Variants in TIAM1 observed in about 807,000 individuals in gnomAD.
The protein encoded by TIAM1 is TIAM Rac1 associated GEF 1.
Under a neutral mutation model 163.5 loss-of-function variants are expected in TIAM1, and 65 were observed. The ratio of observed to expected loss-of-function variants is 0.40; its 90% confidence interval spans 0.33 to 0.49. TIAM1 has a LOEUF of 0.49. TIAM1 is among the 20% of genes least tolerant of loss of function. The pLI is 0.77. For synonymous variants in TIAM1, 833 were observed against 810.1 expected (o/e 1.03, Z -0.48); for missense variants, 1,789 against 2,044.7 (o/e 0.87, Z 2.41).
In TIAM1 at chr21:31,525,903, G is replaced by A. The variant is rs367979520; in HGVS notation, c.-422+33024C>T. On this transcript the variant is annotated intron_variant, in intron 1 of 28. Transcript: ENST00000286827. ...ACAAAAATTAGCTGGGCTTGGTGGC[G>A]GGCGCCTGTAGTCCCAGCTACTCGA... is the stretch of plus-strand genomic sequence containing the variant. Among the ~76,000 whole-genome samples, 92 of 151,874 alleles carry A rather than the reference G, an allele frequency of 6.1e-4. 4 individuals carry two copies. In the South Asian group the frequency reaches 0.017, roughly 29 times the overall value.
chr21:31,225,236 G>C (rs765942194), intron 7 of TIAM1, among the ~76,000 whole-genome samples: 32 of 152,060 alleles, frequency 2.1e-4, no homozygotes, highest in Non-Finnish European at 3.1e-4. Flanking sequence ...CTGGGCTCAA[G>C]CGAGTATGCC....
chr21:31,545,077 A>G (rs1601050693), intron 1 of TIAM1, among the ~76,000 whole-genome samples: 1 of 152,222 alleles, frequency 6.6e-6, no homozygotes, highest in Admixed American at 6.5e-5. Context: ...CTTTGGAAAC[A>G]GGGTCTTTGC....
chr21:31,305,184 A>C (rs1351737801), intron 2 of TIAM1, among the ~76,000 whole-genome samples: 1 of 152,244 alleles, frequency 6.6e-6, no homozygotes, highest in African/African-American at 2.4e-5. Context: ...CTCCACTAAA[A>C]TGCTGACTTT....
intron 2 of TIAM1, among the ~76,000 whole-genome samples, chr21:31,360,260 C>T (rs185506923): frequency 2.0e-4 from 30 of 151,616 alleles, no homozygotes; most frequent in Non-Finnish European, 4.1e-4. Flanking sequence ...TAATTTAAGA[C>T]GGACAGAAGT....
At chr21:31,307,306 T>A (rs2074750105) in intron 2 of TIAM1, among the ~76,000 whole-genome samples, 2 of 152,210 alleles carry the variant, frequency 1.3e-5, no homozygotes, top group Admixed American at 6.5e-5. Context: ...CAGCAGGTTG[T>A]GCAAATTCAG....
intron 2 of TIAM1, among the ~76,000 whole-genome samples, chr21:31,321,297 C>CAGAGT (rs1464720989): frequency 2.0e-5 from 3 of 152,114 alleles, no homozygotes; most frequent in Admixed American, 2.0e-4. Context: ...GGCCGGTCCA[C>CAGAGT]ACTGCCTTCT....
intron 2 of TIAM1, among the ~76,000 whole-genome samples, chr21:31,428,440 A>G (rs1569322644): frequency 6.6e-6 from 1 of 152,230 alleles, no homozygotes; most frequent in Non-Finnish European, 1.5e-5. Context: ...CCTATTACTC[A>G]TGATATACAT....
chr21:31,193,171 C>T (rs531018198), intron 13 of TIAM1, among the ~76,000 whole-genome samples: 30 of 152,150 alleles, frequency 2.0e-4, no homozygotes, highest in Non-Finnish European at 3.7e-4. Context: ...TGTAGACAAC[C>T]GCATAGGAAA....
chr21:31,511,184 T>C (rs2047199341), intron 1 of TIAM1, among the ~76,000 whole-genome samples: 1 of 152,210 alleles, frequency 6.6e-6, no homozygotes, highest in African/African-American at 2.4e-5. Context: ...ACTTGTGTTG[T>C]TCTAAGTCAC....
chr21:31,542,662 T>C (rs1218897146), intron 1 of TIAM1, among the ~76,000 whole-genome samples: 1 of 151,966 alleles, frequency 6.6e-6, no homozygotes, highest in Non-Finnish European at 1.5e-5. Context: ...TCAGTCCCTG[T>C]GACACTTTTT....
At chr21:31,154,655 G>A (rs917333771) in intron 16 of TIAM1, among the ~76,000 whole-genome samples, 2 of 152,152 alleles carry the variant, frequency 1.3e-5, no homozygotes, top group Admixed American at 6.5e-5. Flanking sequence ...GCCTAGTGCC[G>A]GTCTAATGCA....
intron 16 of TIAM1, chr21:31,161,035 T>TTGTGTGTGTGTGTGTGTG (rs10582770): frequency 3.5e-5 from 5 of 143,368 alleles, no homozygotes; most frequent in Admixed American, 7.0e-5. Context: ...CTAAGAAAAG[T>TTGTGTGTGTGTGTGTGTG]TGTGTGTGTG....
rs10523425 is a variant in TIAM1 at position 31,482,060 on chromosome 21, A to AGTGTGTGTGTGTGTGT, written c.-421-18041_-421-18026dup. On this transcript the variant is annotated intron_variant, in intron 1 of 28. Transcript: ENST00000286827. ...AACTGTGTGCCAGGAACTGGGACAA[A>AGTGTGTGTGTGTGTGT]GTGTGTGTGTGTGTGTGTGTGTGTG... is the stretch of plus-strand genomic sequence containing the variant. Among the ~76,000 whole-genome samples, 440 of 145,702 alleles carry AGTGTGTGTGTGTGTGT rather than the reference A, an allele frequency of 3.0e-3. 2 individuals carry two copies. The highest frequency in any genetic ancestry group is 8.1e-3 in the African/African-American group (311 of 38,628).
intron 2 of TIAM1, among the ~76,000 whole-genome samples, chr21:31,421,667 G>T (rs925692565): frequency 6.6e-6 from 1 of 152,180 alleles, no homozygotes; most frequent in African/African-American, 2.4e-5. Context: ...GTGATAAAAA[G>T]CTTGGGGAAC....
intron 2 of TIAM1, among the ~76,000 whole-genome samples, chr21:31,425,305 G>A (rs1045187795): frequency 6.6e-6 from 1 of 151,976 alleles, no homozygotes; most frequent in African/African-American, 2.4e-5. Context: ...AAGGAATTTC[G>A]AGAATTTTAA....
At chr21:31,406,932 G>C (rs1460408299) in intron 2 of TIAM1, among the ~76,000 whole-genome samples, 1 of 152,078 alleles carries the variant, frequency 6.6e-6, no homozygotes, top group Non-Finnish European at 1.5e-5. Flanking sequence ...CAATAACACT[G>C]CAACTACTGG....
rs756088851 is a variant in TIAM1 at position 31,154,295 on chromosome 21, C to T, written c.3123G>A (p.Leu1041=). The T allele has an allele frequency of 6.2e-6, 10 of 1,614,120 alleles. No individual in the cohort carries two copies. Among genetic ancestry groups the T allele is most frequent in the Non-Finnish European group, 8.5e-6 (10 of 1,180,024 alleles). ...CCAGGAGCTCGCAGATCACCTTGCGCAGCTTATCTGCATCCGAGAGTTGTC... is the reference window on the plus strand; with the variant it reads ...CCAGGAGCTCGCAGATCACCTTGCGTAGCTTATCTGCATCCGAGAGTTGTC... ...TMRQLSDADK[L]RKVICELLET... The change falls in exon 17 of 28, where the codon CTG becomes CTA. Residue 1041 remains leucine, a synonymous_variant. Coordinates refer to ENST00000541036, the MANE Select transcript of TIAM1 (RefSeq NM_001353694.2).
chr21:31,418,813 C>G (rs1423373554), intron 2 of TIAM1, among the ~76,000 whole-genome samples: 1 of 152,170 alleles, frequency 6.6e-6, no homozygotes, highest in African/African-American at 2.4e-5. Flanking sequence ...GAATCAGCTT[C>G]AGAGAGAGGC....
intron 16 of TIAM1, 71 bp downstream of exon 16, chr21:31,164,891 T>G (rs541464932): frequency 6.8e-7 from 1 of 1,474,966 alleles, no homozygotes; most frequent in African/African-American, 1.4e-5. Context: ...CATACAGCTG[T>G]GTAGGTGACA....
Sources: gnomAD v4.1 joint callset for allele counts (sites outside exome capture counted in the v4.1 genomes callset) on GRCh38, gnomAD v4.1.1 for gene constraint, MANE v1.5 for transcripts, NCBI Gene and HGNC (gene_info 2026-07-23, HGNC 2026-07-21) for gene names.